The following LSAMP variants were observed in gnomAD, a reference collection of about 807,000 sequenced individuals.
The protein encoded by LSAMP is limbic system associated membrane protein.
LSAMP carries 7 observed loss-of-function variants against 38.6 expected under a neutral mutation model. The ratio of observed to expected loss-of-function variants is 0.18; its 90% CI spans 0.10 to 0.34. The LOEUF (loss-of-function observed/expected upper bound fraction) is 0.34. Ranked by LOEUF, LSAMP falls within the 10% of genes least tolerant of loss-of-function variation. The pLI is 1.00. For missense variants in LSAMP, 313 were observed against 420.0 expected (o/e 0.75, Z 2.23); for synonymous variants, 154 against 166.8 (o/e 0.92, Z 0.59).
Position 116,228,339 on chromosome 3 carries a change from A to G in LSAMP, c.156-141783T>C, listed in dbSNP as rs965797188. On this transcript the variant is annotated intron_variant, in intron 1 of 6. Transcript: ENST00000490035. ...TAAATTTAGAATGTACAATGTTATC[A>G]TTACTATCACTAGAATAATCACAAC... Among the ~76,000 whole-genome samples, 23 of 152,074 alleles carry G rather than the reference A, an allele frequency of 1.5e-4. 1 individual carries two copies. Among genetic ancestry groups the G allele is most frequent in the African/African-American group, 5.1e-4 (21 of 41,444 alleles).
chr3:116,061,772 T>C (rs1941598881), intron 2 of LSAMP, among the ~76,000 whole-genome samples: 4 of 152,246 alleles, frequency 2.6e-5, no homozygotes, highest in Admixed American at 2.6e-4. Flanking sequence ...ATCTTAATTA[T>C]TTATATTCAC....
At chr3:116,005,893 T>C (rs938233758) in intron 3 of LSAMP, among the ~76,000 whole-genome samples, 2 of 152,166 alleles carry the variant, frequency 1.3e-5, no homozygotes, top group African/African-American at 4.8e-5. Flanking sequence ...AGGGTGGCAG[T>C]ACTGGTTCCA....
At chr3:115,851,765 G>A (rs940519104) in intron 4 of LSAMP, among the ~76,000 whole-genome samples, 1 of 152,204 alleles carries the variant, frequency 6.6e-6, no homozygotes, top group African/African-American at 2.4e-5. Flanking sequence ...CAGAGTCAGT[G>A]CTAACTGAAC....
At position 116,098,506 on chromosome 3, in the gene LSAMP, AATAC is replaced by A. The variant is rs536240783; in HGVS notation, c.156-11954_156-11951del. 2.3e-3 allele frequency among the ~76,000 whole-genome samples: 346 copies of A among 152,316 alleles called. 1 individual carries two copies. The highest frequency in any genetic ancestry group is 7.8e-3 in the African/African-American group (325 of 41,560). On this transcript the variant is annotated intron_variant, in intron 1 of 6. Transcript: ENST00000490035. ...CAAAACTCCGTCTCAAAAATAAATAAATACATAAATAAATATAAATAAATCACAA... is the reference window on the plus strand; with the variant it reads ...CAAAACTCCGTCTCAAAAATAAATAAATAAATAAATATAAATAAATCACAA...
At chr3:115,899,583 A>G (rs768716782) in intron 3 of LSAMP, among the ~76,000 whole-genome samples, 1 of 152,186 alleles carries the variant, frequency 6.6e-6, no homozygotes. Context: ...TAAGGGATGT[A>G]GACTTAACTC....
rs1223807254 is a variant in LSAMP, at chr3:116,137,780, AG to A, written c.156-51225del. On this transcript the variant is annotated intron_variant, in intron 1 of 6. Coordinates refer to ENST00000490035, the MANE Select transcript of LSAMP (RefSeq NM_002338.5). ...ATTGTGCTTTGTGTTAGAGAAGATC[AG>A]GCTGATATTAACCTAGATAATGATG... 6.2e-4 allele frequency among the ~76,000 whole-genome samples: 94 copies of A among 152,294 alleles called. 2 individuals carry two copies. The highest frequency in any genetic ancestry group is 2.2e-3 in the African/African-American group (90 of 41,580).
Position 116,434,845 on chromosome 3 carries a change from G to A in LSAMP, c.155+10032C>T, listed in dbSNP as rs140741186. Among the ~76,000 whole-genome samples the A allele has an allele frequency of 6.7e-3, 1,024 of 152,198 alleles. 13 individuals carry two copies. Among genetic ancestry groups the A allele is most frequent in the African/African-American group, 0.023 (950 of 41,514 alleles). The stretch of plus-strand genomic sequence containing the variant: ...GATTACAGCGTGAGCCACTGCGCTC[G>A]GCCGGGGCTTTGACTTTATGCTGTG... On this transcript the variant is annotated intron_variant, in intron 1 of 6. Transcript: ENST00000490035.
intron 1 of LSAMP, among the ~76,000 whole-genome samples, chr3:116,210,745 C>T (rs1028169550): frequency 3.3e-5 from 5 of 152,056 alleles, no homozygotes; most frequent in African/African-American, 1.2e-4. Flanking sequence ...GATATGGAAA[C>T]ATAAATACAC....
intron 2 of LSAMP, among the ~76,000 whole-genome samples, chr3:116,071,421 A>G (rs575561678): frequency 2.0e-5 from 3 of 151,998 alleles, no homozygotes; most frequent in African/African-American, 7.2e-5. Context: ...AATAATATAA[A>G]TTTCTACCTG....
At chr3:115,933,900 G>T (rs1937622578) in intron 3 of LSAMP, among the ~76,000 whole-genome samples, 1 of 152,168 alleles carries the variant, frequency 6.6e-6, no homozygotes, top group Admixed American at 6.5e-5. Context: ...AAGTCAGCAG[G>T]TTAGACTTAA....
intron 6 of LSAMP, among the ~76,000 whole-genome samples, chr3:115,814,617 T>C (rs1478143406): frequency 6.6e-6 from 1 of 152,176 alleles, no homozygotes; most frequent in Non-Finnish European, 1.5e-5. Flanking sequence ...CTAAATTCAT[T>C]CAAAGGGGTT....
chr3:116,052,196 T>G (rs1356560557), intron 2 of LSAMP, among the ~76,000 whole-genome samples: 1 of 151,782 alleles, frequency 6.6e-6, no homozygotes, highest in Non-Finnish European at 1.5e-5. Flanking sequence ...TCCTCTCTGG[T>G]TAGTGTCAGC....
At chr3:116,266,993 A>T (rs1012391595) in intron 1 of LSAMP, among the ~76,000 whole-genome samples, 1 of 152,108 alleles carries the variant, frequency 6.6e-6, no homozygotes, top group Non-Finnish European at 1.5e-5. Context: ...CAACTCATTG[A>T]CTCTTTATGA....
intron 3 of LSAMP, among the ~76,000 whole-genome samples, chr3:115,930,982 G>A (rs1937571476): frequency 6.6e-6 from 1 of 152,168 alleles, no homozygotes; most frequent in African/African-American, 2.4e-5. Context: ...CTCGTAAATT[G>A]AAGCCAGTCC....
chr3:116,372,345 G>A (rs1211798369), intron 1 of LSAMP, among the ~76,000 whole-genome samples: 3 of 152,112 alleles, frequency 2.0e-5, no homozygotes, highest in Admixed American at 2.0e-4. Context: ...AAATGGTGCT[G>A]GGAAAACTGG....
At chr3:116,346,271 A>AT (rs1559835973) in intron 1 of LSAMP, among the ~76,000 whole-genome samples, 3 of 150,128 alleles carry the variant, frequency 2.0e-5, no homozygotes, top group Non-Finnish European at 1.5e-5. Flanking sequence ...GCCCAATAAG[A>AT]TTTTTTTCTC....
At chr3:116,076,940 T>C (rs1249327462) in intron 2 of LSAMP, among the ~76,000 whole-genome samples, 1 of 152,078 alleles carries the variant, frequency 6.6e-6, no homozygotes, top group Non-Finnish European at 1.5e-5. Flanking sequence ...TTTTATGTGT[T>C]TGTTATAACT....
intron 1 of LSAMP, among the ~76,000 whole-genome samples, chr3:116,285,773 CT>C (rs1266842450): frequency 6.6e-6 from 1 of 152,114 alleles, no homozygotes; most frequent in Non-Finnish European, 1.5e-5. Context: ...AAAGAAATGC[CT>C]TCTTTTTTTT....
chr3:116,233,831 G>A (rs2046433076), intron 1 of LSAMP, among the ~76,000 whole-genome samples: 1 of 152,174 alleles, frequency 6.6e-6, no homozygotes, highest in African/African-American at 2.4e-5. Flanking sequence ...GTGACCTCCA[G>A]TGTATGAATT....
Sources: allele counts gnomAD v4.1 joint callset (sites outside exome capture counted in the v4.1 genomes callset), GRCh38; gene constraint gnomAD v4.1.1; transcripts MANE v1.5; gene names NCBI Gene and HGNC (gene_info 2026-07-23, HGNC 2026-07-21).